The following RARS1 variants were observed in gnomAD, a reference collection of about 807,000 sequenced individuals.
RARS1 encodes the protein arginyl-tRNA synthetase 1.
A neutral mutation model predicts 78.7 loss-of-function variants in RARS1; 75 were observed. The observed-to-expected ratio is 0.95, with a 90% CI of 0.79 to 1.15. The LOEUF is 1.15. Among genes scored for constraint, RARS1 ranks in the 50% most tolerant of loss-of-function variants. The pLI is 0.00. For missense variants in RARS1, 787 were observed against 787.5 expected, an observed-to-expected ratio of 1.00 and a Z score of 0.01; for synonymous variants, 273 against 268.2, an observed-to-expected ratio of 1.02 and a Z score of -0.18.
At chr5:168,506,925 G>GT (rs1233396819) in intron 11 of RARS1, 94 bp downstream of exon 11, 3 of 994,478 alleles carry the variant, frequency 3.0e-6, no homozygotes, top group African/African-American at 3.2e-5. Flanking sequence ...AAAGTCCACA[G>GT]TTTCCTTTAG....
intron 13 of RARS1, 139 bp from the exon 14 acceptor site, chr5:168,517,676 C>CT (rs1758698731): frequency 4.4e-6 from 5 of 1,130,502 alleles, no homozygotes; most frequent in Non-Finnish European, 2.3e-6. Flanking sequence ...TTAGTTTTGC[C>CT]TAATAGTATA....
At chr5:168,494,148 T>C (rs943433180) in intron 4 of RARS1, 146 bp downstream of exon 4, 5 of 1,274,410 alleles carry the variant, frequency 3.9e-6, no homozygotes, top group Admixed American at 6.3e-5. Context: ...ATATAGGAAA[T>C]TGAAGTTTTA....
chr5:168,514,034 A>G (rs1758617880), intron 12 of RARS1, among the ~76,000 whole-genome samples: 1 of 152,182 alleles, frequency 6.6e-6, no homozygotes, highest in African/African-American at 2.4e-5. Flanking sequence ...TAAAAATTAT[A>G]CTCCATTGTC....
chr5:168,501,522 A>G (rs1582433841), intron 8 of RARS1, among the ~76,000 whole-genome samples: 1 of 152,346 alleles, frequency 6.6e-6, no homozygotes, highest in East Asian at 1.9e-4. Flanking sequence ...CAGGAGTTCG[A>G]GACCAGCCTG....
At chr5:168,518,101 G>A (rs1428112224) in intron 14 of RARS1, 39 bp downstream of exon 14, 1 of 1,151,166 alleles carries the variant, frequency 8.7e-7, no homozygotes, top group Admixed American at 4.5e-5. Flanking sequence ...TTTTTAGTGA[G>A]AGACACGGAT....
At chr5:168,494,276 C>A in intron 4 of RARS1, 6 of 985,402 alleles carry the variant, frequency 6.1e-6, no homozygotes, top group Non-Finnish European at 7.2e-6. Context: ...GTCTTCGGCA[C>A]AAGGGCCTTC....
intron 2 of RARS1, among the ~76,000 whole-genome samples, chr5:168,491,981 G>A (rs1481951311): frequency 8.8e-6 from 1 of 113,264 alleles, no homozygotes; most frequent in East Asian, 2.7e-4. Context: ...CTAAACTGCT[G>A]TATGGCAAGT....
intron 12 of RARS1, among the ~76,000 whole-genome samples, chr5:168,510,932 C>T (rs564698705): frequency 2.8e-4 from 42 of 152,260 alleles, no homozygotes; most frequent in Admixed American, 5.2e-4. Context: ...GCTTAGTATC[C>T]GTGCTGCTTA....
intron 9 of RARS1, among the ~76,000 whole-genome samples, chr5:168,503,614 T>TAGTA (rs1206001502): frequency 4.7e-5 from 4 of 85,572 alleles, no homozygotes; most frequent in Non-Finnish European, 8.8e-5. Context: ...TCAACCCCTT[T>TAGTA]GGTAGTTAGT....
rs549638650 is a variant in RARS1 at position 168,497,322 on chromosome 5, A to G, written c.796A>G (p.Ile266Val). The G allele has an allele frequency of 5.0e-6, 8 of 1,585,104 alleles. No homozygotes were observed. Among genetic ancestry groups the G allele is most frequent in the South Asian group, 4.7e-5 (4 of 84,448 alleles). The stretch of plus-strand genomic sequence containing the variant: ...AGATTATCTAACAGTTTCACCTCCT[A>G]TTGGGGATCTTCAGGTCTTTTATAA... Reference protein sequence around the residue: ...FPDYLTVSPPIGDLQVFYKES... With the variant: ...FPDYLTVSPPVGDLQVFYKES... The change falls in exon 7 of 15, where the codon ATT becomes GTT. Residue 266 changes from isoleucine (I) to valine (V), a missense_variant. Physicochemically the swap from Ile to Val is conservative, Grantham distance 29 (BLOSUM62 3). Coordinates refer to ENST00000231572, the MANE Select transcript of RARS1 (RefSeq NM_002887.4).
chr5:168,495,535 C>G (rs1758168951), intron 6 of RARS1, 99 bp downstream of exon 6: 1 of 1,474,330 alleles, frequency 6.8e-7, no homozygotes, highest in African/African-American at 1.4e-5. Flanking sequence ...GAACATTCGA[C>G]TAAATCAGTG....
chr5:168,502,384 A>ATATT lies in RARS1; in HGVS notation c.1057+280_1057+281insATTT, dbSNP rs1280220276. Among the ~76,000 whole-genome samples, 98 of 127,224 alleles carry ATATT rather than the reference A, an allele frequency of 7.7e-4. 3 individuals carry two copies. Among genetic ancestry groups the ATATT allele is most frequent in the African/African-American group, 4.4e-4 (14 of 31,648 alleles). The allele number at this position is 127,224 out of a possible 152,430, so 83.5% of individuals were successfully genotyped here. A position where few individuals can be genotyped will look rare whatever the true frequency, so the allele number is the denominator to read the frequency against. ...CAAATATATATATATATATATATATATTTTTTTTTTTTAAAACAATCTTGC... is the reference window on the plus strand; with the variant it reads ...CAAATATATATATATATATATATATATATTTTTTTTTTTTTTAAAACAATCTTGC... On this transcript the variant is annotated intron_variant, in intron 9 of 14. Transcript: ENST00000231572.
intron 9 of RARS1, among the ~76,000 whole-genome samples, chr5:168,505,345 T>C (rs1758414281): frequency 6.6e-6 from 1 of 152,238 alleles, no homozygotes; most frequent in South Asian, 2.1e-4. Context: ...ATTCTGTCTT[T>C]TTTATCATGA....
intron 1 of RARS1, among the ~76,000 whole-genome samples, chr5:168,486,898 A>T (rs934994288): frequency 6.6e-6 from 1 of 152,202 alleles, no homozygotes. Context: ...GAGATAGACA[A>T]GGGGGGAATA....
rs1326660183 is a variant in RARS1, at chr5:168,494,609, G to A, written c.538G>A (p.Val180Met). ...ATCAGAACAATTGACCAGTCTTCTA[G>A]TGAATGGAGTTCAACTACCTGCTCT... ...FVSEQLTSLL[V>M]NGVQLPALGE... is the part of the protein sequence containing the mutation. Residue 180 changes from valine (V) to methionine (M), a missense_variant, in exon 5 of 15, where the codon GTG (valine) becomes ATG (methionine). Transcript: ENST00000231572. 1 of 1,610,116 alleles carries A rather than the reference G, an allele frequency of 6.2e-7. No homozygotes were observed. The highest frequency in any genetic ancestry group is 8.5e-7 in the Non-Finnish European group (1 of 1,176,420).
intron 9 of RARS1, among the ~76,000 whole-genome samples, chr5:168,502,386 T>TATA (rs1561823324): frequency 2.7e-4 from 27 of 100,854 alleles, no homozygotes; most frequent in East Asian, 1.7e-3. Flanking sequence ...ATATATATAT[T>TATA]TTTTTTTTTT....
At chr5:168,488,488 C>A in intron 1 of RARS1, 114 bp from the exon 2 acceptor site, 1 of 1,181,260 alleles carries the variant, frequency 8.5e-7, no homozygotes, top group Non-Finnish European at 1.2e-6. Context: ...GAGAAAGAAA[C>A]ACAGCTCATC....
intron 11 of RARS1, among the ~76,000 whole-genome samples, chr5:168,509,434 A>G (rs1427301128): frequency 4.4e-5 from 3 of 68,590 alleles, no homozygotes; most frequent in Non-Finnish European, 7.6e-5. Flanking sequence ...GGGATTTTTT[A>G]AACACCCCCC....
intron 8 of RARS1, among the ~76,000 whole-genome samples, chr5:168,501,750 C>T (rs1033133009): frequency 2.6e-5 from 4 of 151,936 alleles, no homozygotes; most frequent in Admixed American, 2.6e-4. Context: ...AGAAAGTAAA[C>T]GTAGACAGGA....
Sources: allele counts gnomAD v4.1 joint callset (sites outside exome capture counted in the v4.1 genomes callset), GRCh38; gene constraint gnomAD v4.1.1; transcripts MANE v1.5; gene names NCBI Gene and HGNC (gene_info 2026-07-23, HGNC 2026-07-21).